Variants in AMD1 observed in about 807,000 individuals in gnomAD.
AMD1 encodes the protein adenosylmethionine decarboxylase 1.
In AMD1, 11 loss-of-function variants were observed where a neutral mutation model predicts 40.2. The ratio of observed to expected loss-of-function variants is 0.27; its 90% CI spans 0.17 to 0.45. The LOEUF (loss-of-function observed/expected upper bound fraction) is 0.45, where lower values mean the gene tolerates loss of function less well. Among genes scored for constraint, AMD1 ranks in the 20% least tolerant of loss-of-function variants. AMD1 has a pLI of 1.00. For synonymous variants in AMD1, 121 were observed against 130.8 expected (o/e 0.93, Z 0.51); for missense variants, 257 against 410.2 (o/e 0.63, Z 3.23).
At chr6:110,859,257 G>A in the AMD1 span, 1 of 420,880 alleles carries the variant, frequency 2.4e-6, no homozygotes, top group Non-Finnish European at 4.4e-6. Context: ...AATCAACCCA[G>A]GGTCTGTGAG....
chr6:110,818,981 A>C, the AMD1 span, among the ~76,000 whole-genome samples: 1 of 152,224 alleles, frequency 6.6e-6, no homozygotes, highest in Non-Finnish European at 1.5e-5. Flanking sequence ...CCTGAGTATT[A>C]AGCAAATTCT....
chr6:110,890,890 A>G (rs1785979317), intron 4 of AMD1: 2 of 152,218 alleles, frequency 1.3e-5, no homozygotes, highest in Admixed American at 1.3e-4. Context: ...AAAATATCAG[A>G]TAAAATATTT....
intron 8 of AMD1, 116 bp downstream of exon 8, chr6:110,893,181 T>A (rs1241934789): frequency 1.0e-6 from 1 of 1,000,868 alleles, no homozygotes; most frequent in African/African-American, 1.6e-5. Context: ...CACTCAGATA[T>A]CCAGAAGTAA....
At chr6:110,834,999 T>C in the AMD1 span, among the ~76,000 whole-genome samples, 13 of 150,420 alleles carry the variant, frequency 8.6e-5, no homozygotes, top group African/African-American at 3.2e-4. Flanking sequence ...TAATAGCCTT[T>C]TCAGATAATT....
the AMD1 span, among the ~76,000 whole-genome samples, chr6:110,865,146 A>G: frequency 1.1e-4 from 16 of 152,366 alleles, no homozygotes; most frequent in African/African-American, 3.8e-4. Flanking sequence ...TCTTCCTCTC[A>G]GTGTGAATGC....
chr6:110,866,356 C>T, the AMD1 span, among the ~76,000 whole-genome samples: 13 of 152,272 alleles, frequency 8.5e-5, no homozygotes, highest in Admixed American at 7.9e-4. Context: ...TTCCCCTTGG[C>T]CCTCTGAAGG....
rs923488935 is a variant in AMD1 at position 110,895,448 on chromosome 6, T to G, written c.*1832T>G. 9.6e-5 allele frequency: 13 copies of G among 135,220 alleles called. 1 individual carries two copies. Among genetic ancestry groups the G allele is most frequent in the Admixed American group, 7.5e-4 (11 of 14,574 alleles). The allele number at this position is 135,220 out of a possible 1,614,324, so 8.4% of individuals were successfully genotyped here. On this transcript the variant is annotated 3_prime_UTR_variant, in exon 9 of 9. Transcript: ENST00000368885. Reference sequence around the variant, plus strand: ...GTTGACTTGAGGTCTGGTTTGGTTTTGTTTTTGTTTTGTTTTGTTTTGTTT... The same window carrying G: ...GTTGACTTGAGGTCTGGTTTGGTTTGGTTTTTGTTTTGTTTTGTTTTGTTT...
chr6:110,873,947 T>G (rs1335805943), upstream of AMD1, among the ~76,000 whole-genome samples: 1 of 152,218 alleles, frequency 6.6e-6, no homozygotes, highest in East Asian at 1.9e-4. Context: ...CAGATTATAT[T>G]TAACACATTC....
rs190752664 is a variant in AMD1 at position 110,889,310 on chromosome 6, A to T, written c.324+327A>T. 3.0e-4 allele frequency: 54 copies of T among 177,192 alleles called. 1 individual carries two copies. The highest frequency in any genetic ancestry group is 2.4e-3 in the Admixed American group (39 of 16,310). 11.0% of individuals were successfully genotyped at this position (177,192 alleles called of 1,614,324 possible). A position where few individuals can be genotyped will look rare whatever the true frequency, so the allele number is the denominator to read the frequency against. ...AAGCAAGAAAAATGTCGTTACTGAA[A>T]TTGTCCAGTCTTTATAATGAAGAGT... On this transcript the variant is annotated intron_variant, in intron 3 of 8. Coordinates refer to ENST00000368885, the MANE Select transcript of AMD1 (RefSeq NM_001634.6).
chr6:110,827,626 G>A, the AMD1 span, among the ~76,000 whole-genome samples: 3 of 152,122 alleles, frequency 2.0e-5, no homozygotes, highest in South Asian at 4.2e-4. Flanking sequence ...CTAGTCAGGC[G>A]TGGTGGGGGG....
At chr6:110,865,539 G>A in the AMD1 span, among the ~76,000 whole-genome samples, 10 of 151,222 alleles carry the variant, frequency 6.6e-5, no homozygotes, top group East Asian at 5.9e-4. Flanking sequence ...GATTATAGGC[G>A]TGTGCCACCA....
intron 1 of AMD1, among the ~76,000 whole-genome samples, chr6:110,879,192 A>C (rs1322928449): frequency 6.6e-6 from 1 of 152,124 alleles, no homozygotes; most frequent in African/African-American, 2.4e-5. Context: ...AAATTGAAAA[A>C]TTATCTGTGC....
At chr6:110,886,702 G>A (rs1338463730) in intron 1 of AMD1, among the ~76,000 whole-genome samples, 1 of 152,218 alleles carries the variant, frequency 6.6e-6, no homozygotes, top group South Asian at 2.1e-4. Flanking sequence ...GAGCCTGGGA[G>A]GTCAAGGCCG....
chr6:110,834,954 A>G, the AMD1 span, among the ~76,000 whole-genome samples: 1 of 151,770 alleles, frequency 6.6e-6, no homozygotes, highest in African/African-American at 2.4e-5. Context: ...TCCAAAAAAA[A>G]AAAAAATCTA....
chr6:110,869,326 G>T, the AMD1 span, among the ~76,000 whole-genome samples: 2 of 151,310 alleles, frequency 1.3e-5, no homozygotes, highest in Admixed American at 1.3e-4. Flanking sequence ...TAGAGACGGG[G>T]TTTCACCGTG....
the AMD1 span, among the ~76,000 whole-genome samples, chr6:110,850,903 G>T: frequency 6.6e-6 from 1 of 152,124 alleles, no homozygotes; most frequent in African/African-American, 2.4e-5. Context: ...AATGATTTTT[G>T]AAATACAGAG....
intron 1 of AMD1, among the ~76,000 whole-genome samples, chr6:110,879,536 T>A (rs1785292890): frequency 6.6e-6 from 1 of 152,186 alleles, no homozygotes; most frequent in African/African-American, 2.4e-5. Flanking sequence ...TTTCTCAGGT[T>A]ATCTGAATTC....
the AMD1 span, among the ~76,000 whole-genome samples, chr6:110,825,603 G>C: frequency 4.6e-5 from 7 of 152,160 alleles, no homozygotes; most frequent in Non-Finnish European, 1.0e-4. Context: ...AAGTATAAGA[G>C]GGCTTCCTTG....
the AMD1 span, chr6:110,815,257 G>C: frequency 1.3e-5 from 13 of 1,022,258 alleles, no homozygotes; most frequent in Non-Finnish European, 1.5e-5. Context: ...GCGCGCGCGC[G>C]CCGCCCGCCG....
Sources: allele counts gnomAD v4.1 joint callset (sites outside exome capture counted in the v4.1 genomes callset), GRCh38; gene constraint gnomAD v4.1.1; transcripts MANE v1.5; gene names NCBI Gene and HGNC (gene_info 2026-07-23, HGNC 2026-07-21).